LGR6: variants seen among roughly 807,000 people sequenced by gnomAD.
The protein encoded by LGR6 is leucine rich repeat containing G protein-coupled receptor 6, also known as leucine-rich repeat-containing G protein-coupled receptor 6.
LGR6 carries 45 observed loss-of-function variants against 69.4 expected under a neutral mutation model. The ratio of observed to expected loss-of-function variants is 0.65; its 90% CI spans 0.51 to 0.83. The LOEUF (loss-of-function observed/expected upper bound fraction) is 0.83, where lower values mean the gene tolerates loss of function less well. LGR6 is among the 40% of genes least tolerant of loss of function. The pLI, the probability that LGR6 is intolerant of heterozygous loss-of-function variation, is 0.00. For missense variants in LGR6, 1,108 were observed against 1,246.7 expected, an observed-to-expected ratio of 0.89 and a Z score of 1.68; for synonymous variants, 538 against 555.0, an observed-to-expected ratio of 0.97 and a Z score of 0.43.
chr1:202,230,854 C>G (rs1660976405), intron 3 of LGR6, among the ~76,000 whole-genome samples: 1 of 152,176 alleles, frequency 6.6e-6, no homozygotes. Flanking sequence ...AAGACTCCTG[C>G]TGGGCTTCAG....
At position 202,227,810 on chromosome 1, in the gene LGR6, A is replaced by G. The variant is rs922734121; in HGVS notation, c.285-126A>G. 1.5e-5 allele frequency: 10 copies of G among 686,806 alleles called. No homozygotes were observed. In the African/African-American group the frequency reaches 1.8e-4, roughly 12 times the overall value. The allele number at this position is 686,806 out of a possible 1,614,324, so 42.5% of individuals were successfully genotyped here. ...GCATGTGAAGTATTAAACGCATCGT[A>G]GATTTCAATAAATAGTAGTTTTTAC... is the stretch of plus-strand genomic sequence containing the variant. On this transcript the variant is annotated intron_variant, in intron 2 of 17. Transcript: ENST00000367278.
chr1:202,240,673 G>A (rs944114702), intron 4 of LGR6, among the ~76,000 whole-genome samples: 1 of 152,114 alleles, frequency 6.6e-6, no homozygotes, highest in South Asian at 2.1e-4. Context: ...GGGAGAGACC[G>A]CTTCAGGCCC....
intron 4 of LGR6, among the ~76,000 whole-genome samples, chr1:202,265,105 C>G (rs1664539101): frequency 6.6e-6 from 1 of 152,188 alleles, no homozygotes; most frequent in East Asian, 1.9e-4. Context: ...AAGTGCTGCT[C>G]TAGCTCCCAC....
At chr1:202,224,656 G>A (rs1462719621) in intron 1 of LGR6, among the ~76,000 whole-genome samples, 3 of 152,202 alleles carry the variant, frequency 2.0e-5, no homozygotes, top group African/African-American at 7.2e-5. Flanking sequence ...CCCCTCGCAT[G>A]CGCAGTTCAC....
intron 4 of LGR6, among the ~76,000 whole-genome samples, chr1:202,248,091 A>G (rs1662895001): frequency 6.6e-6 from 1 of 152,236 alleles, no homozygotes; most frequent in Non-Finnish European, 1.5e-5. Context: ...GAAAATCCAC[A>G]CAGCAACCGG....
intron 11 of LGR6, among the ~76,000 whole-genome samples, 176 bp downstream of exon 11, chr1:202,304,806 A>G (rs1667864199): frequency 6.6e-6 from 1 of 152,124 alleles, no homozygotes; most frequent in Non-Finnish European, 1.5e-5. Context: ...CAGCTCTGCC[A>G]CTTACTAGCT....
intron 6 of LGR6, among the ~76,000 whole-genome samples, chr1:202,286,284 G>A (rs901071483): frequency 3.3e-5 from 5 of 152,294 alleles, no homozygotes; most frequent in East Asian, 1.9e-4. Context: ...TTGGGGCAGG[G>A]GTCCAGATGA....
intron 1 of LGR6, among the ~76,000 whole-genome samples, chr1:202,218,391 C>T (rs1301805554): frequency 6.6e-6 from 1 of 152,146 alleles, no homozygotes; most frequent in African/African-American, 2.4e-5. Flanking sequence ...TTCAAACTCC[C>T]AAGCTCAGGG....
At position 202,227,925 on chromosome 1, in the gene LGR6, C is replaced by A. The variant is rs1660688844; in HGVS notation, c.285-11C>A. ...CTGCCAACATCGCTGACCCTTGTCT[C>A]TGATTTCCAGGCGTCTCTCTGGGAA... On this transcript the variant is annotated splice_polypyrimidine_tract_variant and intron_variant, in intron 2 of 17. Coordinates refer to ENST00000367278, the MANE Select transcript of LGR6 (RefSeq NM_001017403.2). 3.1e-6 allele frequency: 5 copies of A among 1,610,984 alleles called. No homozygotes were observed. The highest frequency in any genetic ancestry group is 4.2e-6 in the Non-Finnish European group (5 of 1,177,112).
In LGR6 at chr1:202,318,167, G is replaced by A. The variant is rs12757156; in HGVS notation, c.1864G>A (p.Asp622Asn). The change falls in exon 18 of 18, where the codon GAT becomes AAT. Residue 622 changes from aspartate (D) to asparagine (N), a missense_variant. Asp to Asn is a conservative substitution (Grantham distance 23). Transcript: ENST00000367278. ...TTCCTGTGGCCTTCTAGCCTCAGTC[G>A]ATGCCCTGACCTTTGGTCAGTTCTC... ...GISCGLLASV[D>N]ALTFGQFSEY... 12 of 1,613,782 alleles carry A rather than the reference G, an allele frequency of 7.4e-6. No individual in the cohort carries two copies. The highest frequency in any genetic ancestry group is 2.2e-5 in the East Asian group (1 of 44,886).
chr1:202,314,995 C>A, intron 17 of LGR6, 113 bp downstream of exon 17: 1 of 741,284 alleles, frequency 1.3e-6, no homozygotes, highest in Non-Finnish European at 2.4e-6. Context: ...CTTTGCCTGA[C>A]TCCCAGCCTG....
chr1:202,229,092 G>T (rs1186283324), intron 3 of LGR6, among the ~76,000 whole-genome samples: 1 of 152,138 alleles, frequency 6.6e-6, no homozygotes, highest in African/African-American at 2.4e-5. Flanking sequence ...GGCTAGTGGT[G>T]GTCCTGCCCG....
chr1:202,301,228 C>T lies in LGR6; in HGVS notation c.922C>T (p.His308Tyr). 1 of 1,614,030 alleles carries T rather than the reference C, an allele frequency of 6.2e-7. No individual in the cohort carries two copies. The highest frequency in any genetic ancestry group is 1.6e-4 in the Middle Eastern group (1 of 6,062). The change falls in exon 9 of 18, where the codon CAC becomes TAC. Residue 308 changes from histidine to tyrosine, a missense_variant. By Grantham distance (83) the His-to-Tyr change is moderately conservative. Coordinates refer to ENST00000367278, the MANE Select transcript of LGR6 (RefSeq NM_001017403.2). ...GGCATTCCAGTACCTGCCTAAACTC[C>T]ACACACTGTAAGTTGGCTCCTGAAG... ...RSAFQYLPKLHTLSLNGAMDI... is the reference protein window; with the variant it reads ...RSAFQYLPKLYTLSLNGAMDI...
rs1378279855 is a variant in LGR6, at chr1:202,304,608, C to T, written c.1048C>T (p.Gln350Ter). Residue 350 changes from glutamine to a stop codon, truncating the protein, a stop_gained, in exon 11 of 18, where the codon CAG (glutamine) becomes TAG (stop). Coordinates refer to ENST00000367278, the MANE Select transcript of LGR6 (RefSeq NM_001017403.2). LOFTEE classifies it high-confidence loss of function. ...GCTGCTCCCATCGGGGATGTGCCAA[C>T]AGCTGCCCAGGCTCCGAGTCCTGTG... is the stretch of plus-strand genomic sequence containing the variant. ...IRLLPSGMCQ[Q>*]LPRLRVLELS... is the part of the protein sequence containing the mutation. 2 of 1,610,848 alleles carry T rather than the reference C, an allele frequency of 1.2e-6. No individual in the cohort carries two copies. Among genetic ancestry groups the T allele is most frequent in the South Asian group, 2.2e-5 (2 of 90,836 alleles).
intron 1 of LGR6, among the ~76,000 whole-genome samples, chr1:202,208,195 A>C (rs1375689244): frequency 6.6e-6 from 1 of 152,118 alleles, no homozygotes. Context: ...CTGGAACTTT[A>C]GGTTTGTTCT....
chr1:202,316,327 T>G (rs997021170), intron 17 of LGR6, among the ~76,000 whole-genome samples: 2 of 152,082 alleles, frequency 1.3e-5, no homozygotes, highest in Non-Finnish European at 2.9e-5. Context: ...GATCACAGGG[T>G]GAAAGAGAAG....
intron 4 of LGR6, among the ~76,000 whole-genome samples, chr1:202,260,160 T>C (rs1223580202): frequency 1.3e-5 from 2 of 152,168 alleles, no homozygotes; most frequent in African/African-American, 4.8e-5. Flanking sequence ...TGCCTCAGCC[T>C]CCCGAGTAGC....
rs1342170780 is a variant in LGR6 at position 202,318,031 on chromosome 1, G to A, written c.1728G>A (p.Val576=). 6.2e-7 allele frequency: 1 copy of A among 1,614,096 alleles called. No homozygotes were observed. Among genetic ancestry groups the A allele is most frequent in the Non-Finnish European group, 8.5e-7 (1 of 1,180,046 alleles). The change falls in exon 18 of 18, where the codon GTG becomes GTA. Residue 576 remains valine (V), a synonymous_variant. Coordinates refer to ENST00000367278, the MANE Select transcript of LGR6 (RefSeq NM_001017403.2). The part of the protein sequence containing the change: ...LAVWAIVLLS[V]LCNGLVLLTV... ...TGTGGGCCATCGTGTTGCTCTCCGTGCTCTGCAATGGACTGGTGCTGCTGA... is the reference window on the plus strand; with the variant it reads ...TGTGGGCCATCGTGTTGCTCTCCGTACTCTGCAATGGACTGGTGCTGCTGA...
intron 1 of LGR6, among the ~76,000 whole-genome samples, chr1:202,207,000 C>G (rs1659269026): frequency 6.6e-6 from 1 of 152,072 alleles, no homozygotes; most frequent in South Asian, 2.1e-4. Context: ...TCACTGCAAC[C>G]TCCGCCTCTC....
Sources: gnomAD v4.1 joint callset for allele counts (sites outside exome capture counted in the v4.1 genomes callset) on GRCh38, gnomAD v4.1.1 for gene constraint, MANE v1.5 for transcripts, NCBI Gene and HGNC (gene_info 2026-07-23, HGNC 2026-07-21) for gene names.